Variants in CCNB2 observed in about 807,000 individuals in gnomAD.
CCNB2 encodes the protein G2/mitotic-specific cyclin-B2.
A neutral mutation model predicts 51.1 loss-of-function variants in CCNB2; 39 were observed. That is an observed-to-expected ratio of 0.76 (90% CI 0.59 to 1.00). The LOEUF is 1.00. CCNB2 is among the 50% of genes least tolerant of loss of function. The pLI is 0.00. For missense variants in CCNB2, 472 were observed against 470.3 expected, an observed-to-expected ratio of 1.00 and a Z score of -0.03; for synonymous variants, 174 against 165.5, an observed-to-expected ratio of 1.05 and a Z score of -0.40.
Position 59,116,860 on chromosome 15 carries a change from A to AT in CCNB2, c.770dup (p.Leu257PhefsTer4). 6.2e-7 allele frequency: 1 copy of AT among 1,614,178 alleles called. No homozygotes were observed. The highest frequency in any genetic ancestry group is 1.1e-5 in the South Asian group (1 of 91,086). ...AAATGGAAACTCTAATTTTGAAAGA[A>AT]TTGAAATTTGAGTTGGGTCGACCCT... is the stretch of plus-strand genomic sequence containing the variant. On this transcript the variant is annotated frameshift_variant, in exon 6 of 9. Coordinates refer to ENST00000288207, the MANE Select transcript of CCNB2 (RefSeq NM_004701.4). LOFTEE classifies it high-confidence loss of function.
chr15:59,122,468 G>A (rs1383096189), intron 7 of CCNB2, among the ~76,000 whole-genome samples: 5 of 150,782 alleles, frequency 3.3e-5, no homozygotes, highest in South Asian at 2.1e-4. Flanking sequence ...CAGGTGATCC[G>A]CCCACCTCGG....
intron 3 of CCNB2, among the ~76,000 whole-genome samples, chr15:59,110,285 C>G (rs1459051056): frequency 6.6e-6 from 1 of 152,100 alleles, no homozygotes; most frequent in Non-Finnish European, 1.5e-5. Context: ...TAGCTCAGTT[C>G]ATATAAAAAT....
At chr15:59,124,524 T>G (rs1428199679) in intron 8 of CCNB2, 1 of 495,304 alleles carries the variant, frequency 2.0e-6, no homozygotes, top group Non-Finnish European at 3.6e-6. Flanking sequence ...GCCTGCTACT[T>G]GGACCTTGAA....
intron 3 of CCNB2, among the ~76,000 whole-genome samples, chr15:59,109,360 G>A (rs145372682): frequency 6.6e-6 from 1 of 152,274 alleles, no homozygotes; most frequent in Non-Finnish European, 1.5e-5. Flanking sequence ...TCCATACCCA[G>A]TAGCTTTGTT....
In CCNB2 at chr15:59,124,886, G is replaced by C; in HGVS notation, c.*9G>C. ...TGATAGGAAGGTCCTAGGCTGCCGT[G>C]GCCCCTGGGGATGTGTGCTTCATTG... On this transcript the variant is annotated 3_prime_UTR_variant, in exon 9 of 9. Transcript: ENST00000288207. 6.6e-7 allele frequency: 1 copy of C among 1,520,012 alleles called. No homozygotes were observed. The highest frequency in any genetic ancestry group is 1.3e-5 in the South Asian group (1 of 78,868). The allele number at this position is 1,520,012 out of a possible 1,614,324, so 94.2% of individuals were successfully genotyped here. A position where few individuals can be genotyped will look rare whatever the true frequency, so the allele number is the denominator to read the frequency against.
intron 3 of CCNB2, 66 bp from the exon 4 acceptor site, chr15:59,114,378 C>T (rs180953358): frequency 2.8e-5 from 34 of 1,223,822 alleles, no homozygotes; most frequent in Non-Finnish European, 3.9e-5. Context: ...GATATTTAAG[C>T]CAGTTGGCTC....
chr15:59,121,369 C>G (rs2079301271), intron 7 of CCNB2: 1 of 152,172 alleles, frequency 6.6e-6, no homozygotes, highest in African/African-American at 2.4e-5. Flanking sequence ...ACCAATGGCT[C>G]ATTTTTAGTC....
intron 1 of CCNB2, among the ~76,000 whole-genome samples, chr15:59,105,899 C>T (rs2079233960): frequency 6.6e-6 from 1 of 152,216 alleles, no homozygotes; most frequent in African/African-American, 2.4e-5. Flanking sequence ...TTTCTTTACT[C>T]AAATGTAACA....
chr15:59,113,568 T>G (rs2079266623), intron 3 of CCNB2, among the ~76,000 whole-genome samples: 1 of 152,124 alleles, frequency 6.6e-6, no homozygotes, highest in African/African-American at 2.4e-5. Flanking sequence ...ATAATACACA[T>G]ATAAACTATA....
chr15:59,117,663 G>A (rs541120008), intron 7 of CCNB2, among the ~76,000 whole-genome samples: 1 of 152,254 alleles, frequency 6.6e-6, no homozygotes, highest in Non-Finnish European at 1.5e-5. Context: ...GTAGAGACAG[G>A]GTTTTGCCAT....
At chr15:59,121,215 A>G (rs1387553957) in intron 7 of CCNB2, 1 of 152,168 alleles carries the variant, frequency 6.6e-6, no homozygotes, top group Non-Finnish European at 1.5e-5. Context: ...ACAGAGAGGG[A>G]GAGGAGGGAA....
intron 3 of CCNB2, among the ~76,000 whole-genome samples, chr15:59,110,877 A>G (rs1300012885): frequency 3.3e-5 from 5 of 152,210 alleles, no homozygotes; most frequent in African/African-American, 1.2e-4. Context: ...TAGAAAGGAC[A>G]TGGAAGGCTT....
In CCNB2 at chr15:59,107,364, A is replaced by G. The variant is rs1255638779; in HGVS notation, c.67A>G (p.Lys23Glu). ...GAATATTGACACAGGAGTTAATTCT[A>G]AAGTTAAGAGTCATGTGACTATTAG... ...LENIDTGVNS[K>E]VKSHVTIRRT... The change falls in exon 2 of 9, where the codon AAA (lysine) becomes GAA (glutamate). Residue 23 changes from lysine to glutamate, a missense_variant. By Grantham distance (56) the Lys-to-Glu change is moderately conservative. Transcript: ENST00000288207. The G allele has an allele frequency of 1.9e-6, 3 of 1,612,806 alleles. No homozygotes were observed. Among genetic ancestry groups the G allele is most frequent in the East Asian group, 2.2e-5 (1 of 44,842 alleles).
chr15:59,120,091 A>G (rs1225706640), intron 7 of CCNB2, among the ~76,000 whole-genome samples: 2 of 152,170 alleles, frequency 1.3e-5, no homozygotes, highest in African/African-American at 4.8e-5. Context: ...GAAAACCCCT[A>G]TTATGTTTTG....
intron 3 of CCNB2, among the ~76,000 whole-genome samples, chr15:59,109,225 T>C (rs1448830865): frequency 1.3e-5 from 2 of 152,102 alleles, no homozygotes; most frequent in African/African-American, 4.8e-5. Context: ...TGATTTTCAC[T>C]ATGTTGGCCT....
Position 59,123,432 on chromosome 15 carries a change from C to T in CCNB2, c.976-85C>T, listed in dbSNP as rs2140291980. ...ACAGCTTTTACATAAGTAATGTCAT[C>T]ATGTACAAGATGTGTTCTTCTAAAG... is the stretch of plus-strand genomic sequence containing the variant. On this transcript the variant is annotated intron_variant, in intron 7 of 8. Transcript: ENST00000288207. 4 of 746,512 alleles carry T rather than the reference C, an allele frequency of 5.4e-6. No individual in the cohort carries two copies. In the East Asian group the frequency reaches 1.0e-4, roughly 20 times the overall value. 46.2% of individuals were successfully genotyped at this position (746,512 alleles called of 1,614,324 possible).
chr15:59,119,420 AGTGCACTCCAACCTG>A (rs1391502010), intron 7 of CCNB2, among the ~76,000 whole-genome samples: 1 of 146,976 alleles, frequency 6.8e-6, no homozygotes, highest in East Asian at 2.1e-4. Context: ...TGATCCTGCC[AGTGCACTCCAACCTG>A]GGCAACAGAG....
chr15:59,118,274 T>C (rs750233796), intron 7 of CCNB2, among the ~76,000 whole-genome samples: 4 of 152,218 alleles, frequency 2.6e-5, no homozygotes, highest in African/African-American at 7.2e-5. Context: ...ATGGCTGCAA[T>C]GCAAGTCACA....
chr15:59,105,362 A>C, intron 1 of CCNB2, 70 bp downstream of exon 1: 3 of 1,489,572 alleles, frequency 2.0e-6, no homozygotes, highest in Non-Finnish European at 1.8e-6. Flanking sequence ...CGCTTCTCTC[A>C]TCTGCTCCGA....
Sources: allele counts gnomAD v4.1 joint callset (sites outside exome capture counted in the v4.1 genomes callset), GRCh38; gene constraint gnomAD v4.1.1; transcripts MANE v1.5; gene names NCBI Gene and HGNC (gene_info 2026-07-23, HGNC 2026-07-21).